Variants in CCSER1 observed in about 807,000 individuals in gnomAD.
The protein encoded by CCSER1 is coiled-coil serine rich protein 1.
In CCSER1, 41 loss-of-function variants were observed where a neutral mutation model predicts 82.0. The ratio of observed to expected loss-of-function variants is 0.50; its 90% CI spans 0.39 to 0.65. The LOEUF is 0.65. CCSER1 is among the 30% of genes least tolerant of loss of function. The probability of loss-of-function intolerance (pLI) is 0.00; values close to 1 mark genes in which losing one functional copy is unlikely to be tolerated. For missense variants in CCSER1, 1,119 were observed against 1,064.2 expected (o/e 1.05, Z -0.72); for synonymous variants, 414 against 383.9 (o/e 1.08, Z -0.92).
intron 10 of CCSER1, among the ~76,000 whole-genome samples, chr4:91,298,665 CCTT>C (rs978447401): frequency 1.6e-4 from 24 of 151,868 alleles, no homozygotes; most frequent in African/African-American, 5.8e-4. Flanking sequence ...AGGAAAAAAA[CCTT>C]CTTTACAGTT....
intron 10 of CCSER1, among the ~76,000 whole-genome samples, chr4:91,158,520 A>G (rs1331353119): frequency 6.6e-6 from 1 of 151,978 alleles, no homozygotes; most frequent in Non-Finnish European, 1.5e-5. Flanking sequence ...TCTCTACTGT[A>G]TGGCGCATAG....
At chr4:90,745,107 G>T (rs563062904) in intron 7 of CCSER1, among the ~76,000 whole-genome samples, 31 of 152,126 alleles carry the variant, frequency 2.0e-4, no homozygotes, top group African/African-American at 7.0e-4. Flanking sequence ...TCAGCAATGG[G>T]TCTCATGGAA....
At chr4:90,682,599 T>C (rs1734086958) in intron 6 of CCSER1, among the ~76,000 whole-genome samples, 1 of 152,058 alleles carries the variant, frequency 6.6e-6, no homozygotes, top group African/African-American at 2.4e-5. Context: ...CTCTGTTCCG[T>C]AAAGTCATTC....
chr4:90,293,940 T>C (rs1479984409), intron 1 of CCSER1, among the ~76,000 whole-genome samples: 4 of 152,036 alleles, frequency 2.6e-5, no homozygotes, highest in Admixed American at 2.0e-4. Flanking sequence ...AAATCTATTG[T>C]GGTTTATTGT....
At chr4:90,169,434 T>G (rs935201971) in intron 1 of CCSER1, among the ~76,000 whole-genome samples, 2 of 152,256 alleles carry the variant, frequency 1.3e-5, no homozygotes, top group Admixed American at 1.3e-4. Flanking sequence ...AGGGACAATT[T>G]GACTTCCTCT....
At chr4:90,716,304 T>A (rs1662191964) in intron 6 of CCSER1, among the ~76,000 whole-genome samples, 1 of 151,946 alleles carries the variant, frequency 6.6e-6, no homozygotes, top group African/African-American at 2.4e-5. Flanking sequence ...CAAAAATTTT[T>A]AAAAAGTAGT....
intron 3 of CCSER1, among the ~76,000 whole-genome samples, chr4:90,374,269 A>C (rs1243265390): frequency 1.3e-5 from 2 of 152,242 alleles, no homozygotes; most frequent in Non-Finnish European, 2.9e-5. Context: ...TGGTCAACCA[A>C]GCAATAAATT....
chr4:91,552,969 A>G (rs996460129), intron 10 of CCSER1, among the ~76,000 whole-genome samples: 3 of 151,496 alleles, frequency 2.0e-5, no homozygotes, highest in African/African-American at 7.3e-5. Context: ...AGAGGACAAG[A>G]TTTCGGATTC....
intron 4 of CCSER1, among the ~76,000 whole-genome samples, chr4:90,457,915 G>A (rs113388076): frequency 0.014 from 2,169 of 152,204 alleles, 19 homozygotes; most frequent in Middle Eastern, 0.024. Flanking sequence ...TCTCTTTGCC[G>A]TCCCTCCCAT....
At chr4:91,544,580 C>T (rs895097003) in intron 10 of CCSER1, among the ~76,000 whole-genome samples, 3 of 152,198 alleles carry the variant, frequency 2.0e-5, no homozygotes, top group Non-Finnish European at 4.4e-5. Context: ...AGGTCCACTC[C>T]AGACCCTGTT....
At chr4:90,584,118 A>G (rs1781729033) in intron 5 of CCSER1, among the ~76,000 whole-genome samples, 1 of 152,032 alleles carries the variant, frequency 6.6e-6, no homozygotes, top group Non-Finnish European at 1.5e-5. Flanking sequence ...GATGGCTTTC[A>G]CTCTCTGCAG....
intron 9 of CCSER1, among the ~76,000 whole-genome samples, chr4:90,956,842 G>A (rs1212530398): frequency 6.8e-6 from 1 of 147,868 alleles, no homozygotes; most frequent in Non-Finnish European, 1.5e-5. Context: ...CCTGATCACA[G>A]TTCACTGAAG....
At chr4:90,998,060 C>T (rs758532551) in intron 9 of CCSER1, among the ~76,000 whole-genome samples, 66 of 151,910 alleles carry the variant, frequency 4.3e-4, no homozygotes, top group Non-Finnish European at 3.8e-4. Context: ...AAACTCGCTT[C>T]TTTTTTATTT....
chr4:90,699,495 A>G (rs1737619763), intron 6 of CCSER1, among the ~76,000 whole-genome samples: 1 of 152,054 alleles, frequency 6.6e-6, no homozygotes, highest in African/African-American at 2.4e-5. Flanking sequence ...CCCAAACAGA[A>G]AGTTCTCTCA....
Position 91,153,779 on chromosome 4 carries a change from A to T in CCSER1, c.2217+67785A>T, listed in dbSNP as rs184917916. 1.7e-3 allele frequency among the ~76,000 whole-genome samples: 257 copies of T among 152,116 alleles called. 3 individuals are homozygous for T. The highest frequency in any genetic ancestry group is 6.0e-3 in the African/African-American group (251 of 41,542). ...TTGGAGTTTGCTGGAGGTCCACTCC[A>T]GACCCTGTTTGCCTGGGTATCACCA... On this transcript the variant is annotated intron_variant, in intron 10 of 10. Coordinates refer to ENST00000509176, the MANE Select transcript of CCSER1 (RefSeq NM_001145065.2).
chr4:90,518,291 G>C (rs1772555866), intron 5 of CCSER1, among the ~76,000 whole-genome samples: 1 of 152,060 alleles, frequency 6.6e-6, no homozygotes, highest in Admixed American at 6.5e-5. Context: ...ACTTCCAACA[G>C]CTTGTTCCTA....
chr4:91,167,999 G>A (rs1247834539), intron 10 of CCSER1, among the ~76,000 whole-genome samples: 1 of 150,938 alleles, frequency 6.6e-6, no homozygotes, highest in African/African-American at 2.4e-5. Flanking sequence ...CCCCATTTGG[G>A]AAGTGGGGAG....
At chr4:91,171,720 G>A (rs1732775305) in intron 10 of CCSER1, among the ~76,000 whole-genome samples, 1 of 151,800 alleles carries the variant, frequency 6.6e-6, no homozygotes, top group Non-Finnish European at 1.5e-5. Flanking sequence ...ATATAAAAGA[G>A]TGGAATATCT....
chr4:90,815,629 A>G, intron 7 of CCSER1, 133 bp from the exon 8 acceptor site: 1 of 577,422 alleles, frequency 1.7e-6, no homozygotes, highest in East Asian at 2.9e-5. Flanking sequence ...TATGAAAAAT[A>G]TCATACTATA....
Sources: gnomAD v4.1 joint callset for allele counts (sites outside exome capture counted in the v4.1 genomes callset) on GRCh38, gnomAD v4.1.1 for gene constraint, MANE v1.5 for transcripts, NCBI Gene and HGNC (gene_info 2026-07-23, HGNC 2026-07-21) for gene names.